The following SHISA9 variants were observed in gnomAD, a reference collection of about 807,000 sequenced individuals.
The protein encoded by SHISA9 is protein shisa-9.
In SHISA9, 13 loss-of-function variants were observed where a neutral mutation model predicts 38.0. That is an observed-to-expected ratio of 0.34 (90% CI 0.22 to 0.54). SHISA9 has a LOEUF of 0.54. Ranked by LOEUF, SHISA9 falls within the 20% of genes least tolerant of loss-of-function variation. The pLI, the probability that SHISA9 is intolerant of heterozygous loss-of-function variation, is 0.91. For synonymous variants in SHISA9, 275 were observed against 242.0 expected (o/e 1.14, Z -1.27); for missense variants, 538 against 575.8 (o/e 0.93, Z 0.67).
chr16:13,333,408 G>T, the SHISA9 span, among the ~76,000 whole-genome samples: 1 of 152,148 alleles, frequency 6.6e-6, no homozygotes, highest in Non-Finnish European at 1.5e-5. Context: ...TCGTCCTTGG[G>T]TGTACATTTG....
intron 2 of SHISA9, among the ~76,000 whole-genome samples, chr16:12,963,074 C>T (rs1008465783): frequency 2.0e-4 from 31 of 152,204 alleles, no homozygotes; most frequent in African/African-American, 6.8e-4. Flanking sequence ...ACAATCACAC[C>T]CCTTTCTGCT....
the SHISA9 span, among the ~76,000 whole-genome samples, chr16:13,552,187 C>T: frequency 6.6e-6 from 1 of 152,172 alleles, no homozygotes; most frequent in Non-Finnish European, 1.5e-5. Flanking sequence ...GTGTTCATCT[C>T]TGCAGAGAAA....
At chr16:12,939,836 C>G (rs1040932595) in intron 2 of SHISA9, among the ~76,000 whole-genome samples, 4 of 152,182 alleles carry the variant, frequency 2.6e-5, no homozygotes, top group Admixed American at 6.5e-5. Context: ...AATGTAAGTT[C>G]TCTCCGCAGA....
At chr16:12,921,512 A>G (rs2071328458) in intron 2 of SHISA9, among the ~76,000 whole-genome samples, 1 of 152,208 alleles carries the variant, frequency 6.6e-6, no homozygotes, top group East Asian at 1.9e-4. Context: ...CTGTAGTCTC[A>G]GTGCTTTAGG....
intron 2 of SHISA9, among the ~76,000 whole-genome samples, chr16:13,171,962 A>G (rs747839851): frequency 1.6e-4 from 24 of 152,188 alleles, no homozygotes; most frequent in Admixed American, 3.9e-4. Flanking sequence ...ATTATATGAA[A>G]TAACCCAAAT....
At chr16:12,998,905 G>A (rs1157941684) in intron 2 of SHISA9, among the ~76,000 whole-genome samples, 1 of 152,158 alleles carries the variant, frequency 6.6e-6, no homozygotes, top group Non-Finnish European at 1.5e-5. Flanking sequence ...CACAAACACT[G>A]AATTAGCAAA....
chr16:13,292,806 A>G, the SHISA9 span, among the ~76,000 whole-genome samples: 3 of 152,194 alleles, frequency 2.0e-5, 1 homozygote, highest in Non-Finnish European at 2.9e-5. Flanking sequence ...TTTTTGAAAA[A>G]AAATTTGTCA....
the SHISA9 span, among the ~76,000 whole-genome samples, chr16:13,455,051 TCTA>T: frequency 6.6e-6 from 1 of 152,196 alleles, no homozygotes; most frequent in Non-Finnish European, 1.5e-5. Context: ...ATTTTCTAAT[TCTA>T]CTATTTTAGT....
the SHISA9 span, among the ~76,000 whole-genome samples, chr16:13,498,775 A>G: frequency 1.3e-5 from 2 of 152,120 alleles, no homozygotes; most frequent in Non-Finnish European, 2.9e-5. Flanking sequence ...AAAATAAAAG[A>G]AAAGAAGGTA....
intron 2 of SHISA9, among the ~76,000 whole-genome samples, chr16:13,130,249 C>T (rs1018903146): frequency 5.3e-5 from 8 of 152,070 alleles, no homozygotes; most frequent in African/African-American, 1.9e-4. Context: ...ATCCTTCCAG[C>T]AACCTTAAGA....
At chr16:13,408,840 G>A in the SHISA9 span, among the ~76,000 whole-genome samples, 2 of 152,314 alleles carry the variant, frequency 1.3e-5, no homozygotes, top group Non-Finnish European at 2.9e-5. Flanking sequence ...AGTATTCCTA[G>A]AAGTCATCCC....
the SHISA9 span, among the ~76,000 whole-genome samples, chr16:13,260,680 T>C: frequency 1.3e-5 from 2 of 152,318 alleles, no homozygotes; most frequent in East Asian, 3.9e-4. Context: ...TTCCAAACTC[T>C]CCCACATTTT....
chr16:13,505,709 G>C, the SHISA9 span, among the ~76,000 whole-genome samples: 83,689 of 152,026 alleles, frequency 0.55, 24,547 homozygotes, highest in East Asian at 0.79. Flanking sequence ...AATGGTTTTA[G>C]TTACTTGGGA....
In SHISA9 at chr16:12,979,266, A is replaced by G. The variant is rs578132899; in HGVS notation, c.691+62451A>G. ...TTAATTCCAGAAACATTTTTCGAGT[A>G]TCTGCTATATGCAAGACACTGTGCC... is the stretch of plus-strand genomic sequence containing the variant. On this transcript the variant is annotated intron_variant, in intron 2 of 4. Coordinates refer to ENST00000558583, the MANE Select transcript of SHISA9 (RefSeq NM_001145204.3). Among the ~76,000 whole-genome samples, 3 of 150,504 alleles carry G rather than the reference A, an allele frequency of 2.0e-5. No homozygotes were observed. In the East Asian group the frequency reaches 5.8e-4, roughly 29 times the overall value.
At chr16:13,133,430 A>AGTG (rs2141989049) in intron 2 of SHISA9, among the ~76,000 whole-genome samples, 1 of 152,298 alleles carries the variant, frequency 6.6e-6, no homozygotes, top group East Asian at 1.9e-4. Flanking sequence ...CTCATTGCCC[A>AGTG]GTGGTGTCTT....
chr16:12,956,446 A>T (rs934035858), intron 2 of SHISA9, among the ~76,000 whole-genome samples: 2 of 152,208 alleles, frequency 1.3e-5, no homozygotes, highest in Admixed American at 1.3e-4. Context: ...TTTCAGCACT[A>T]CTCATAATAG....
chr16:13,471,129 A>T, the SHISA9 span, among the ~76,000 whole-genome samples: 1 of 152,000 alleles, frequency 6.6e-6, no homozygotes, highest in Non-Finnish European at 1.5e-5. Flanking sequence ...TTATCCACGG[A>T]CTCACATATC....
intron 4 of SHISA9, among the ~76,000 whole-genome samples, chr16:13,223,435 A>G (rs1358369601): frequency 1.3e-5 from 2 of 152,112 alleles, no homozygotes; most frequent in African/African-American, 4.8e-5. Context: ...GCATATTTCC[A>G]AACTTTGTTA....
intron 4 of SHISA9, among the ~76,000 whole-genome samples, chr16:13,228,139 T>C (rs1409527686): frequency 6.6e-6 from 1 of 152,204 alleles, no homozygotes; most frequent in Non-Finnish European, 1.5e-5. Context: ...TAAGTGGTGT[T>C]CCCAAGGTCT....
Sources: gnomAD v4.1 joint callset for allele counts (sites outside exome capture counted in the v4.1 genomes callset) on GRCh38, gnomAD v4.1.1 for gene constraint, MANE v1.5 for transcripts, NCBI Gene and HGNC (gene_info 2026-07-23, HGNC 2026-07-21) for gene names.